Variants in MTAP observed in about 807,000 individuals in gnomAD.
The protein encoded by MTAP is methylthioadenosine phosphorylase.
MTAP carries 33 observed loss-of-function variants against 33.6 expected under a neutral mutation model. The observed-to-expected ratio is 0.98, with a 90% CI of 0.74 to 1.31. The LOEUF (loss-of-function observed/expected upper bound fraction) is 1.31. Among genes scored for constraint, MTAP ranks in the 40% most tolerant of loss-of-function variants. The probability of loss-of-function intolerance (pLI) is 0.00; values close to 1 mark genes in which losing one functional copy is unlikely to be tolerated. For missense variants in MTAP, 367 were observed against 360.0 expected (o/e 1.02, Z -0.16); for synonymous variants, 148 against 125.7 (o/e 1.18, Z -1.19).
chr9:21,870,350 C>T (rs1209622520), downstream of MTAP, among the ~76,000 whole-genome samples: 1 of 152,230 alleles, frequency 6.6e-6, no homozygotes, highest in Non-Finnish European at 1.5e-5. Context: ...TGTACAACCT[C>T]TGTGACAGCA....
chr9:21,809,618 G>A (rs923156859), intron 1 of MTAP, among the ~76,000 whole-genome samples: 36 of 148,764 alleles, frequency 2.4e-4, no homozygotes, highest in African/African-American at 8.4e-4. Context: ...CAGCCTGGGC[G>A]ACAGAGTGAG....
In MTAP at chr9:21,863,144, T is replaced by G; in HGVS notation, c.*1130T>G. On this transcript the variant is annotated 3_prime_UTR_variant, in exon 8 of 8. Coordinates refer to ENST00000644715, the MANE Select transcript of MTAP (RefSeq NM_002451.4). ...GTGTTTAATAGTTTAACTGAAAGTT[T>G]AACTATTTAAAAGACTAAATGCACA... 1.0e-6 allele frequency: 1 copy of G among 972,204 alleles called. No individual in the cohort carries two copies. Among genetic ancestry groups the G allele is most frequent in the African/African-American group, 1.8e-5 (1 of 57,074 alleles). The allele number at this position is 972,204 out of a possible 1,614,324, so 60.2% of individuals were successfully genotyped here.
rs1265073318 is a variant in MTAP at position 21,891,499 on chromosome 9, A to G, written c.147+36629A>G. Among the ~76,000 whole-genome samples the G allele has an allele frequency of 3.9e-5, 6 of 152,308 alleles. No individual in the cohort carries two copies. In the East Asian group the frequency reaches 7.7e-4, roughly 20 times the overall value. ...CTCACTACAAAAATTCCATAATACC[A>G]TCAGGATTAACAGCAGAATAAACCA... On this transcript the variant is annotated intron_variant, in intron 1 of 1. Transcript: ENST00000577563.
chr9:21,818,110 C>T lies in MTAP; in HGVS notation c.255C>T (p.Gly85=), dbSNP rs1563832235. ...ACATCTGGGCTTTGAAGGAAGAGGGCTGTACACATGTCATAGTGACCACAG... is the reference window on the plus strand; with the variant it reads ...ACATCTGGGCTTTGAAGGAAGAGGGTTGTACACATGTCATAGTGACCACAG... ...QANIWALKEE[G]CTHVIVTTAC... Residue 85 remains glycine, a synonymous_variant, in exon 4 of 8, where the codon GGC becomes GGT. Coordinates refer to ENST00000644715, the MANE Select transcript of MTAP (RefSeq NM_002451.4). The T allele has an allele frequency of 1.2e-6, 2 of 1,613,988 alleles. No homozygotes were observed. The highest frequency in any genetic ancestry group is 1.7e-6 in the Non-Finnish European group (2 of 1,179,998).
chr9:21,892,896 T>C (rs1333642177), intron 1 of MTAP: 1 of 152,136 alleles, frequency 6.6e-6, no homozygotes, highest in East Asian at 1.9e-4. Context: ...TCTCAACAAA[T>C]TCAAAAATAA....
intron 4 of MTAP, among the ~76,000 whole-genome samples, chr9:21,822,525 T>G (rs1824670646): frequency 6.6e-6 from 1 of 152,196 alleles, no homozygotes; most frequent in Admixed American, 6.5e-5. Flanking sequence ...TCTTTTACAT[T>G]TGCTGAGGAG....
chr9:21,831,830 T>C (rs1824974346), intron 4 of MTAP, among the ~76,000 whole-genome samples: 1 of 151,866 alleles, frequency 6.6e-6, no homozygotes. Flanking sequence ...AAAAACTGAA[T>C]ATTAAAGGAA....
chr9:21,859,228 G>C (rs888505630), intron 6 of MTAP, 75 bp from the exon 7 acceptor site: 2 of 1,539,148 alleles, frequency 1.3e-6, no homozygotes, highest in African/African-American at 2.8e-5. Context: ...AGCAAGGCTG[G>C]AGCTCAGAAA....
chr9:21,919,620 ATCC>A (rs1166523116), intron 1 of MTAP, among the ~76,000 whole-genome samples: 1 of 152,226 alleles, frequency 6.6e-6, no homozygotes, highest in African/African-American at 2.4e-5. Flanking sequence ...AATGATTACT[ATCC>A]TTTGATAATT....
At chr9:21,837,221 C>T (rs915143487) in intron 4 of MTAP, among the ~76,000 whole-genome samples, 78 of 152,002 alleles carry the variant, frequency 5.1e-4, no homozygotes, top group African/African-American at 1.7e-3. Context: ...AATGAGGCAG[C>T]GAACAAAGAT....
downstream of MTAP, among the ~76,000 whole-genome samples, chr9:21,938,589 C>T (rs534797096): frequency 2.6e-4 from 39 of 152,142 alleles, no homozygotes; most frequent in South Asian, 1.7e-3. Context: ...TCTACAACTC[C>T]GATATGTCCT....
At chr9:21,878,280 C>G (rs1826039663) in intron 1 of MTAP, among the ~76,000 whole-genome samples, 1 of 151,874 alleles carries the variant, frequency 6.6e-6, no homozygotes, top group African/African-American at 2.4e-5. Flanking sequence ...GTTTATCAAT[C>G]TGAGTTATTC....
chr9:21,828,567 C>T (rs1167990842), intron 4 of MTAP, among the ~76,000 whole-genome samples: 1 of 151,914 alleles, frequency 6.6e-6, no homozygotes, highest in Non-Finnish European at 1.5e-5. Flanking sequence ...CCCAGCTACT[C>T]GGAAGGCTGA....
At chr9:21,854,593 G>A in intron 5 of MTAP, 38 bp from the exon 6 acceptor site, 1 of 1,514,732 alleles carries the variant, frequency 6.6e-7, no homozygotes, top group Non-Finnish European at 8.8e-7. Context: ...TTGTGCATGT[G>A]CTAGTATGTT....
intron 1 of MTAP, 103 bp downstream of exon 1, chr9:21,802,884 G>C: frequency 2.7e-6 from 4 of 1,504,730 alleles, no homozygotes; most frequent in Non-Finnish European, 3.5e-6. Flanking sequence ...CGGCCCGTGC[G>C]TCCCTTGCCG....
intron 4 of MTAP, among the ~76,000 whole-genome samples, chr9:21,832,383 A>T (rs1824989604): frequency 6.6e-6 from 1 of 152,214 alleles, no homozygotes; most frequent in Non-Finnish European, 1.5e-5. Flanking sequence ...GTTTTATGGT[A>T]AAGAGTTACG....
chr9:21,879,124 C>T (rs570441417), intron 1 of MTAP, among the ~76,000 whole-genome samples: 4 of 151,946 alleles, frequency 2.6e-5, no homozygotes, highest in Non-Finnish European at 5.9e-5. Flanking sequence ...AATTTTCTTC[C>T]TTGATGTTCT....
In MTAP at chr9:21,854,861, C is replaced by T. The variant is rs145928013; in HGVS notation, c.681C>T (p.His227=). 3.9e-5 allele frequency: 63 copies of T among 1,613,846 alleles called. No individual in the cohort carries two copies. In the African/African-American group the frequency reaches 6.7e-4, roughly 17 times the overall value. ...MATDYDCWKE[H]EEAVSVDRVL... ...CAGATTATGACTGCTGGAAGGAGCA[C>T]GAGGAAGCAGTAGGTGGAATTCTTT... Residue 227 remains histidine, a synonymous_variant, in exon 6 of 8, where the codon CAC becomes CAT. Coordinates refer to ENST00000644715, the MANE Select transcript of MTAP (RefSeq NM_002451.4).
intron 1 of MTAP, among the ~76,000 whole-genome samples, chr9:21,804,536 A>G (rs1400483610): frequency 6.6e-6 from 1 of 152,160 alleles, no homozygotes; most frequent in Non-Finnish European, 1.5e-5. Context: ...TGGTGCTAGG[A>G]CTGCCTGCTG....
Sources: allele counts gnomAD v4.1 joint callset (sites outside exome capture counted in the v4.1 genomes callset), GRCh38; gene constraint gnomAD v4.1.1; transcripts MANE v1.5; gene names NCBI Gene and HGNC (gene_info 2026-07-23, HGNC 2026-07-21).